The following XRN1 variants were observed in gnomAD, a reference collection of about 807,000 sequenced individuals.
The protein encoded by XRN1 is 5'-3' exoribonuclease 1, also known as strand-exchange protein 1 homolog.
XRN1 carries 67 observed loss-of-function variants against 222.3 expected under a neutral mutation model. The ratio of observed to expected loss-of-function variants is 0.30; its 90% confidence interval spans 0.25 to 0.37. The LOEUF is 0.37. Among genes scored for constraint, XRN1 ranks in the 10% least tolerant of loss-of-function variants. XRN1 has a pLI of 1.00. For missense variants in XRN1, 1,707 were observed against 2,000.2 expected, an observed-to-expected ratio of 0.85 and a Z score of 2.80; for synonymous variants, 643 against 652.4, an observed-to-expected ratio of 0.99 and a Z score of 0.22.
intron 1 of XRN1, among the ~76,000 whole-genome samples, chr3:142,433,821 C>T (rs937797294): frequency 6.6e-6 from 1 of 152,126 alleles, no homozygotes; most frequent in Non-Finnish European, 1.5e-5. Flanking sequence ...AACAGTAATT[C>T]AAGTTTTACA....
intron 22 of XRN1, among the ~76,000 whole-genome samples, chr3:142,380,574 G>C (rs572080116): frequency 6.6e-6 from 1 of 152,156 alleles, no homozygotes; most frequent in Admixed American, 6.5e-5. Flanking sequence ...CTGCAACCTT[G>C]AACTCTTGGG....
At chr3:142,323,481 C>T (rs763333081) in intron 37 of XRN1, among the ~76,000 whole-genome samples, 1 of 151,862 alleles carries the variant, frequency 6.6e-6, no homozygotes, top group African/African-American at 2.4e-5. Context: ...CATGCCCGGC[C>T]CACTTTTAAG....
chr3:142,336,514 G>A (rs1340779998), intron 33 of XRN1, among the ~76,000 whole-genome samples: 1 of 151,604 alleles, frequency 6.6e-6, no homozygotes, highest in Non-Finnish European at 1.5e-5. Flanking sequence ...AGCAGGGGAA[G>A]GGGAATAGTG....
intron 15 of XRN1, among the ~76,000 whole-genome samples, chr3:142,411,856 C>T (rs1250265704): frequency 6.8e-6 from 1 of 147,630 alleles, no homozygotes; most frequent in Non-Finnish European, 1.5e-5. Flanking sequence ...TGGAGTCTCG[C>T]TGTCTCCCAG....
intron 2 of XRN1, among the ~76,000 whole-genome samples, chr3:142,431,878 T>TAC (rs2069566029): frequency 1.8e-5 from 1 of 55,624 alleles, no homozygotes; most frequent in South Asian, 3.3e-4. Context: ...TATTATATTA[T>TAC]ATATATTATA....
chr3:142,372,956 G>T (rs1266962297), intron 25 of XRN1, among the ~76,000 whole-genome samples: 1 of 152,130 alleles, frequency 6.6e-6, no homozygotes, highest in Non-Finnish European at 1.5e-5. Flanking sequence ...CCCCACCTAA[G>T]TACACTAAAT....
chr3:142,413,856 A>G (rs757854333), intron 14 of XRN1, among the ~76,000 whole-genome samples: 2 of 152,200 alleles, frequency 1.3e-5, no homozygotes, highest in Non-Finnish European at 2.9e-5. Context: ...GTTTTAGCCT[A>G]CTTTCTTCAG....
intron 37 of XRN1, 91 bp downstream of exon 37, chr3:142,329,343 C>T: frequency 1.1e-6 from 1 of 889,918 alleles, no homozygotes; most frequent in Non-Finnish European, 1.5e-6. Flanking sequence ...AAATAGGCCC[C>T]ATTTTATTTT....
chr3:142,376,005 T>TACAC (rs2067134221), intron 24 of XRN1, 61 bp from the exon 25 acceptor site: 1 of 1,108,654 alleles, frequency 9.0e-7, no homozygotes, highest in Non-Finnish European at 1.2e-6. Context: ...CACACACGAG[T>TACAC]TTTAAAATGT....
At chr3:142,362,456 A>G (rs2066670584) in intron 29 of XRN1, among the ~76,000 whole-genome samples, 1 of 151,740 alleles carries the variant, frequency 6.6e-6, no homozygotes, top group South Asian at 2.1e-4. Flanking sequence ...TATTTTTAGT[A>G]GAGACGGGAT....
chr3:142,418,745 TAATA>T (rs2068886445), intron 11 of XRN1, 66 bp downstream of exon 11: 1 of 1,544,952 alleles, frequency 6.5e-7, no homozygotes, highest in African/African-American at 1.4e-5. Flanking sequence ...AAATTAGTAA[TAATA>T]AATAAAAGGT....
chr3:142,395,581 T>A (rs888142027), intron 20 of XRN1, among the ~76,000 whole-genome samples: 3 of 152,176 alleles, frequency 2.0e-5, no homozygotes, highest in African/African-American at 7.2e-5. Context: ...TTGAACAAGT[T>A]GTCAATTTCT....
chr3:142,373,838 C>T (rs1202898145), intron 25 of XRN1, among the ~76,000 whole-genome samples: 6 of 151,896 alleles, frequency 4.0e-5, no homozygotes, highest in African/African-American at 9.7e-5. Context: ...AAAATTTAGC[C>T]GGGCATGGTG....
At chr3:142,432,145 A>G (rs2069635119) in intron 2 of XRN1, among the ~76,000 whole-genome samples, 1 of 116,006 alleles carries the variant, frequency 8.6e-6, no homozygotes, top group South Asian at 2.2e-4. Context: ...TATAAAATAT[A>G]TAATATATAA....
intron 30 of XRN1, among the ~76,000 whole-genome samples, chr3:142,357,377 C>T (rs750710221): frequency 4.0e-5 from 6 of 151,878 alleles, no homozygotes; most frequent in Non-Finnish European, 7.4e-5. Flanking sequence ...GTCGATTTGT[C>T]GTTAAGAAGC....
At chr3:142,324,710 CA>C (rs2065466899) in intron 37 of XRN1, among the ~76,000 whole-genome samples, 1 of 151,910 alleles carries the variant, frequency 6.6e-6, no homozygotes, top group African/African-American at 2.4e-5. Flanking sequence ...ACAGTCCCAA[CA>C]ACAGTGTAAA....
At chr3:142,413,912 C>G (rs2068687323) in intron 14 of XRN1, among the ~76,000 whole-genome samples, 1 of 152,086 alleles carries the variant, frequency 6.6e-6, no homozygotes, top group African/African-American at 2.4e-5. Flanking sequence ...GAAAATGAAG[C>G]CAGGCTCTGA....
intron 22 of XRN1, among the ~76,000 whole-genome samples, chr3:142,380,900 C>T (rs1254712336): frequency 2.0e-5 from 3 of 152,150 alleles, no homozygotes; most frequent in Non-Finnish European, 2.9e-5. Flanking sequence ...TCCCCACGCC[C>T]GCCTTGGCCT....
In XRN1 at chr3:142,440,029, TC is replaced by T. The variant is rs71629537; in HGVS notation, c.76-7137del. Among the ~76,000 whole-genome samples, 1,473 of 152,146 alleles carry T rather than the reference TC, an allele frequency of 9.7e-3. 11 individuals are homozygous for T. The highest frequency in any genetic ancestry group is 0.017 in the Admixed American group (263 of 15,286). On this transcript the variant is annotated intron_variant, in intron 1 of 40. Coordinates refer to ENST00000392981, the MANE Select transcript of XRN1 (RefSeq NM_001282857.2). ...ACGAAGGTCCTGCTGAACCAGATGA[TC>T]CAGCAGCAGGACTGAGGGTGCCCGG...
Sources: allele counts gnomAD v4.1 joint callset (sites outside exome capture counted in the v4.1 genomes callset), GRCh38; gene constraint gnomAD v4.1.1; transcripts MANE v1.5; gene names NCBI Gene and HGNC (gene_info 2026-07-23, HGNC 2026-07-21).